The following LOXL1 variants were observed in gnomAD, a reference collection of about 807,000 sequenced individuals.
The protein encoded by LOXL1 is lysyl oxidase homolog 1.
LOXL1 carries 31 observed loss-of-function variants against 62.2 expected under a neutral mutation model. That is an observed-to-expected ratio of 0.50 (90% CI 0.37 to 0.67). LOXL1 has a LOEUF of 0.67. Among genes scored for constraint, LOXL1 ranks in the 30% least tolerant of loss-of-function variants. The pLI, the probability that LOXL1 is intolerant of heterozygous loss-of-function variation, is 0.00. For missense variants in LOXL1, 775 were observed against 843.4 expected, an observed-to-expected ratio of 0.92 and a Z score of 1.00; for synonymous variants, 403 against 384.4, an observed-to-expected ratio of 1.05 and a Z score of -0.56.
rs774438838 is a variant in LOXL1 at position 73,927,518 on chromosome 15, G to A, written c.735G>A (p.Glu245=). The part of the protein sequence containing the change: ...EEYGGGEELP[E]YPPQGFYPAP... Reference sequence around the variant, plus strand: ...ACGGCGGCGGCGAAGAGCTGCCCGAGTACCCGCCTCAGGGCTTCTACCCGG... The same window carrying A: ...ACGGCGGCGGCGAAGAGCTGCCCGAATACCCGCCTCAGGGCTTCTACCCGG... The change falls in exon 1 of 7, where the codon GAG becomes GAA. Residue 245 remains glutamate (E), a synonymous_variant. Transcript: ENST00000261921. 1.7e-5 allele frequency: 25 copies of A among 1,483,782 alleles called. No individual in the cohort carries two copies. Among genetic ancestry groups the A allele is most frequent in the Non-Finnish European group, 2.2e-5 (25 of 1,123,022 alleles). 91.9% of individuals were successfully genotyped at this position (1,483,782 alleles called of 1,614,324 possible). A position where few individuals can be genotyped will look rare whatever the true frequency, so the allele number is the denominator to read the frequency against.
chr15:73,941,616 C>T (rs544367541), intron 1 of LOXL1, among the ~76,000 whole-genome samples: 13 of 152,170 alleles, frequency 8.5e-5, no homozygotes, highest in Non-Finnish European at 1.6e-4. Context: ...GAGGAGCTTA[C>T]AGCCTCATCT....
At chr15:73,943,702 T>C (rs2068730272) in intron 2 of LOXL1, among the ~76,000 whole-genome samples, 1 of 152,252 alleles carries the variant, frequency 6.6e-6, no homozygotes, top group Non-Finnish European at 1.5e-5. Flanking sequence ...TGGGCCAAAA[T>C]AATTAGTTAA....
intron 1 of LOXL1, among the ~76,000 whole-genome samples, chr15:73,932,639 G>A (rs947684512): frequency 2.6e-5 from 4 of 152,178 alleles, no homozygotes; most frequent in African/African-American, 9.7e-5. Context: ...CACTCATATG[G>A]TGCATACTAA....
Position 73,930,535 on chromosome 15 carries a change from T to C in LOXL1, c.1102+2650T>C, listed in dbSNP as rs991261772. On this transcript the variant is annotated intron_variant, in intron 1 of 6. Coordinates refer to ENST00000261921, the MANE Select transcript of LOXL1 (RefSeq NM_005576.4). The surrounding 1 kb of genome is among the most constrained non-coding windows in gnomAD (Gnocchi z 4.7). Reference sequence around the variant, plus strand: ...GTGCTTGAGATCAGACCCCCAGGCCTGGTGTGGGAGCCCAAGGCGGATTCT... The same window carrying C: ...GTGCTTGAGATCAGACCCCCAGGCCCGGTGTGGGAGCCCAAGGCGGATTCT... Among the ~76,000 whole-genome samples the C allele has an allele frequency of 6.6e-6, 1 of 152,184 alleles. No homozygotes were observed. Among genetic ancestry groups the C allele is most frequent in the Non-Finnish European group, 1.5e-5 (1 of 68,020 alleles).
Position 73,927,149 on chromosome 15 carries a change from C to G in LOXL1, c.366C>G (p.Gly122=). Residue 122 remains glycine (G), a synonymous_variant, in exon 1 of 7, where the codon GGC becomes GGG. Transcript: ENST00000261921. ...AGGCGCGGCACCCATTCGGCTTTGG[C>G]CAGGTGCCCGACAACTGGCGCGAGG... ...RGQARHPFGF[G]QVPDNWREVA... The G allele has an allele frequency of 6.6e-7, 1 of 1,504,532 alleles. No individual in the cohort carries two copies. Among genetic ancestry groups the G allele is most frequent in the Non-Finnish European group, 8.9e-7 (1 of 1,125,760 alleles). 93.2% of individuals were successfully genotyped at this position (1,504,532 alleles called of 1,614,324 possible).
rs1307843746 is a variant in LOXL1, at chr15:73,930,714, C to T, written c.1102+2829C>T. ...CCTCCATGGGTGGGTGGTTTCCAAG[C>T]GCCTGTCCTGAGCCCAGTTTCTTCC... On this transcript the variant is annotated intron_variant, in intron 1 of 6. Coordinates refer to ENST00000261921, the MANE Select transcript of LOXL1 (RefSeq NM_005576.4). The surrounding 1 kb of genome is among the most constrained non-coding windows in gnomAD (Gnocchi z 4.7). Among the ~76,000 whole-genome samples, 3 of 152,190 alleles carry T rather than the reference C, an allele frequency of 2.0e-5. No individual in the cohort carries two copies. Among genetic ancestry groups the T allele is most frequent in the Admixed American group, 6.5e-5 (1 of 15,290 alleles).
intron 5 of LOXL1, 106 bp downstream of exon 5, chr15:73,948,008 G>A: frequency 1.3e-6 from 1 of 774,932 alleles, no homozygotes; most frequent in Admixed American, 2.9e-5. Context: ...CTTCTCCCCA[G>A]CTGCCGAGCA....
intron 1 of LOXL1, among the ~76,000 whole-genome samples, chr15:73,931,904 G>T (rs982143226): frequency 6.6e-6 from 1 of 152,230 alleles, no homozygotes; most frequent in African/African-American, 2.4e-5. Flanking sequence ...TTGGCCATTT[G>T]CTGAAGACCA....
intron 2 of LOXL1, 125 bp from the exon 3 acceptor site, chr15:73,946,292 C>G: frequency 1.5e-6 from 1 of 665,196 alleles, no homozygotes; most frequent in Non-Finnish European, 2.6e-6. Context: ...AGAAGATCTT[C>G]AGGGACAAGG....
At chr15:73,932,877 G>C (rs964492964) in intron 1 of LOXL1, among the ~76,000 whole-genome samples, 2 of 152,114 alleles carry the variant, frequency 1.3e-5, no homozygotes, top group Non-Finnish European at 2.9e-5. Flanking sequence ...AAGCTGTGTC[G>C]GATCAGACAA....
intron 1 of LOXL1, among the ~76,000 whole-genome samples, chr15:73,933,606 C>T (rs1484094751): frequency 6.6e-6 from 1 of 152,250 alleles, no homozygotes; most frequent in East Asian, 1.9e-4. Context: ...CTCACTGCAG[C>T]ATCCTCTGCT....
At chr15:73,951,765 TG>T in intron 6 of LOXL1, 65 bp from the exon 7 acceptor site, 1 of 1,438,420 alleles carries the variant, frequency 7.0e-7, no homozygotes, top group Non-Finnish European at 9.3e-7. Flanking sequence ...AGGGACGCCC[TG>T]GCTGAGGAGG....
intron 1 of LOXL1, among the ~76,000 whole-genome samples, chr15:73,929,294 G>A (rs1172070989): frequency 1.3e-5 from 2 of 152,246 alleles, no homozygotes; most frequent in East Asian, 1.9e-4. Flanking sequence ...CATTGAGGTT[G>A]CTGTGCCTGG....
intron 1 of LOXL1, chr15:73,928,148 G>A (rs747670094): frequency 3.7e-5 from 14 of 381,278 alleles, no homozygotes; most frequent in Non-Finnish European, 6.0e-5. Context: ...CTTTGGTGGA[G>A]GGACTAGCCG....
intron 1 of LOXL1, among the ~76,000 whole-genome samples, chr15:73,938,014 C>T (rs1377225968): frequency 1.3e-5 from 2 of 152,298 alleles, no homozygotes; most frequent in East Asian, 1.9e-4. Flanking sequence ...TGGCCGGGTG[C>T]GGTCACTCAC....
At chr15:73,935,648 A>G (rs2068665746) in intron 1 of LOXL1, among the ~76,000 whole-genome samples, 1 of 152,186 alleles carries the variant, frequency 6.6e-6, no homozygotes. Flanking sequence ...TTAGGTGTGC[A>G]GAGAGGCAGC....
At chr15:73,951,509 T>TA (rs34236271) in intron 6 of LOXL1, among the ~76,000 whole-genome samples, 36 of 143,800 alleles carry the variant, frequency 2.5e-4, no homozygotes, top group South Asian at 4.4e-4. Flanking sequence ...AAAGGAGGCT[T>TA]AAAAAAAAAA....
chr15:73,932,111 T>C (rs570804792), intron 1 of LOXL1, among the ~76,000 whole-genome samples: 8 of 152,300 alleles, frequency 5.3e-5, no homozygotes, highest in Non-Finnish European at 1.2e-4. Context: ...GGATATCATG[T>C]TCAGCCTGCG....
At position 73,942,938 on chromosome 15, in the gene LOXL1, C is replaced by G. The variant is rs759440933; in HGVS notation, c.1187C>G (p.Ala396Gly). 2 of 1,613,732 alleles carry G rather than the reference C, an allele frequency of 1.2e-6. No homozygotes were observed. Among genetic ancestry groups the G allele is most frequent in the Non-Finnish European group, 1.7e-6 (2 of 1,179,654 alleles). Residue 396 changes from alanine to glycine, a missense_variant, in exon 2 of 7, where the codon GCT (alanine) becomes GGT (glycine). By Grantham distance (60) the Ala-to-Gly change is moderately conservative. Coordinates refer to ENST00000261921, the MANE Select transcript of LOXL1 (RefSeq NM_005576.4). ...GCCCACCTGTACTCCCTGCGCTGTG[C>G]TGCGGAGGAGAAGTGTCTGGCCAGG... is the stretch of plus-strand genomic sequence containing the variant. ...QRAHLYSLRC[A>G]AEEKCLASTA... is the part of the protein sequence containing the mutation.
Sources: gnomAD v4.1 joint callset for allele counts (sites outside exome capture counted in the v4.1 genomes callset) on GRCh38, gnomAD v4.1.1 for gene constraint, Gnocchi (gnomAD v3.1) non-coding constraint, MANE v1.5 for transcripts, NCBI Gene and HGNC (gene_info 2026-07-23, HGNC 2026-07-21) for gene names.